The following ZMYM4 variants were observed in gnomAD, a reference collection of about 807,000 sequenced individuals.
The protein encoded by ZMYM4 is zinc finger MYM-type protein 4.
A neutral mutation model predicts 183.2 loss-of-function variants in ZMYM4; 31 were observed. The observed-to-expected ratio is 0.17, with a 90% CI of 0.13 to 0.23. ZMYM4 has a LOEUF of 0.23. Among genes scored for constraint, ZMYM4 ranks in the 10% least tolerant of loss-of-function variants. ZMYM4 has a pLI of 1.00. For missense variants in ZMYM4, 1,273 were observed against 1,840.3 expected, an observed-to-expected ratio of 0.69 and a Z score of 5.64; for synonymous variants, 592 against 631.2, an observed-to-expected ratio of 0.94 and a Z score of 0.93.
At chr1:35,400,674 G>A (rs780894003) in intron 23 of ZMYM4, among the ~76,000 whole-genome samples, 1 of 151,990 alleles carries the variant, frequency 6.6e-6, no homozygotes, top group African/African-American at 2.4e-5. Flanking sequence ...CATTTTGATG[G>A]CCTTCAACTA....
At chr1:35,378,264 A>G (rs1644377516) in intron 7 of ZMYM4, among the ~76,000 whole-genome samples, 1 of 152,226 alleles carries the variant, frequency 6.6e-6, no homozygotes, top group Non-Finnish European at 1.5e-5. Flanking sequence ...CCAAGCTCCT[A>G]TTAATGATGA....
At chr1:35,351,375 A>G in intron 2 of ZMYM4, 1 of 1,576,866 alleles carries the variant, frequency 6.3e-7, no homozygotes, top group Non-Finnish European at 8.7e-7. Flanking sequence ...AGATGCTTAC[A>G]AGAAACAGTT....
At chr1:35,306,119 T>C (rs890874936) in intron 1 of ZMYM4, among the ~76,000 whole-genome samples, 2 of 152,214 alleles carry the variant, frequency 1.3e-5, no homozygotes, top group Admixed American at 6.5e-5. Flanking sequence ...ATTTGTTCTT[T>C]ATTCTCGCCT....
intron 8 of ZMYM4, 26 bp from the exon 9 acceptor site, chr1:35,381,520 T>C: frequency 6.2e-7 from 1 of 1,613,762 alleles, no homozygotes; most frequent in East Asian, 2.2e-5. Context: ...CTCCTTGTTT[T>C]TGTGTTGCTG....
intron 1 of ZMYM4, among the ~76,000 whole-genome samples, chr1:35,312,829 T>G (rs1447928590): frequency 6.6e-6 from 1 of 151,728 alleles, no homozygotes; most frequent in Non-Finnish European, 1.5e-5. Flanking sequence ...CAAGTGATTC[T>G]TGTGCCTCAG....
At chr1:35,375,495 A>C (rs1570470276) in intron 7 of ZMYM4, among the ~76,000 whole-genome samples, 1 of 152,288 alleles carries the variant, frequency 6.6e-6, no homozygotes, top group East Asian at 1.9e-4. Context: ...AACAGGTTTC[A>C]TTTAGAAATC....
rs1644985516 is a variant in ZMYM4, at chr1:35,405,428, C to T, written c.3756C>T (p.Asp1252=). ...CTGACCCCTTAGGAAGTACTCAAGA[C>T]CATGCACTCTCTCAAGAATCCTCAG... The part of the protein sequence containing the change: ...PRSDPLGSTQ[D]HALSQESSEP... The change falls in exon 25 of 30, where the codon GAC becomes GAT. Residue 1252 remains aspartate, a synonymous_variant. Coordinates refer to ENST00000314607, the MANE Select transcript of ZMYM4 (RefSeq NM_005095.3). 1.9e-6 allele frequency: 3 copies of T among 1,613,096 alleles called. No individual in the cohort carries two copies. The highest frequency in any genetic ancestry group is 1.3e-5 in the African/African-American group (1 of 74,978).
Position 35,359,040 on chromosome 1 carries a change from G to A in ZMYM4, c.201G>A (p.Leu67=), listed in dbSNP as rs1454268200. The change falls in exon 3 of 30, where the codon CTG becomes CTA. Residue 67 remains leucine (L), a synonymous_variant. Transcript: ENST00000314607. ...AAACAGGATCTGAAAATTCATTGCT[G>A]GATGAAGATGATTATTTTTTGAACT... is the stretch of plus-strand genomic sequence containing the variant. The part of the protein sequence containing the change: ...PNQTGSENSL[L]DEDDYFLNSG... The A allele has an allele frequency of 6.2e-7, 1 of 1,613,706 alleles. No individual in the cohort carries two copies.
chr1:35,374,941 A>G (rs930013751), intron 7 of ZMYM4, among the ~76,000 whole-genome samples: 1 of 152,022 alleles, frequency 6.6e-6, no homozygotes, highest in Non-Finnish European at 1.5e-5. Flanking sequence ...ATGTAATTCA[A>G]TTGCTCTTTA....
In ZMYM4 at chr1:35,387,613, A is replaced by T. The variant is rs1359816060; in HGVS notation, c.2263+9A>T. 1 of 1,597,856 alleles carries T rather than the reference A, an allele frequency of 6.3e-7. No homozygotes were observed. The highest frequency in any genetic ancestry group is 8.5e-7 in the Non-Finnish European group (1 of 1,175,300). On this transcript the variant is annotated intron_variant, in intron 13 of 29. Transcript: ENST00000314607. ...GTCATTCTGTAGTGAAGGTAAAGAC[A>T]GAAGATTATCTTACCTACTGAGCAT...
chr1:35,281,577 A>G (rs997960380), intron 1 of ZMYM4, among the ~76,000 whole-genome samples: 19 of 151,962 alleles, frequency 1.3e-4, no homozygotes, highest in Admixed American at 5.2e-4. Context: ...TCCACACCGT[A>G]TACATACGTG....
Position 35,322,942 on chromosome 1 carries a change from G to A in ZMYM4, c.40-2418G>A, listed in dbSNP as rs138393970. Among the ~76,000 whole-genome samples, 1,050 of 149,588 alleles carry A rather than the reference G, an allele frequency of 7.0e-3. 18 individuals carry two copies. The highest frequency in any genetic ancestry group is 0.024 in the African/African-American group (966 of 40,602). On this transcript the variant is annotated intron_variant, in intron 1 of 29. Transcript: ENST00000314607. ...CCTGACCTTGTGATCCACCTGCCTC[G>A]GCCTCCCAAAGTGCTAGGATTACAG... is the stretch of plus-strand genomic sequence containing the variant.
In ZMYM4 at chr1:35,396,901, C is replaced by T. The variant is rs560510018; in HGVS notation, c.3030+231C>T. Among the ~76,000 whole-genome samples, 12 of 152,146 alleles carry T rather than the reference C, an allele frequency of 7.9e-5. No individual in the cohort carries two copies. The South Asian group carries it at 1.2e-3, about 16-fold the overall frequency. On this transcript the variant is annotated intron_variant, in intron 19 of 29. Coordinates refer to ENST00000314607, the MANE Select transcript of ZMYM4 (RefSeq NM_005095.3). ...TAGCTTTTTAAAAAACTTACATGCA[C>T]AATAAGACCACTCAAATAGAAAAAG...
At chr1:35,374,414 A>G (rs1231799344) in intron 7 of ZMYM4, among the ~76,000 whole-genome samples, 1 of 152,180 alleles carries the variant, frequency 6.6e-6, no homozygotes, top group African/African-American at 2.4e-5. Flanking sequence ...TTGCCATGAA[A>G]TCATTCACAT....
chr1:35,384,063 T>C (rs1490187010), intron 9 of ZMYM4, among the ~76,000 whole-genome samples: 2 of 152,200 alleles, frequency 1.3e-5, no homozygotes, highest in Non-Finnish European at 2.9e-5. Flanking sequence ...ACATTAGATA[T>C]AATTTCTGTT....
At chr1:35,355,950 G>A (rs1039169133) in intron 2 of ZMYM4, among the ~76,000 whole-genome samples, 2 of 152,116 alleles carry the variant, frequency 1.3e-5, no homozygotes, top group African/African-American at 4.8e-5. Context: ...ATAAGGGGCT[G>A]GGTGCAGTGG....
At chr1:35,287,709 G>A (rs1186510835) in intron 1 of ZMYM4, among the ~76,000 whole-genome samples, 2 of 152,008 alleles carry the variant, frequency 1.3e-5, no homozygotes, top group South Asian at 2.1e-4. Context: ...GGGTTCAAGC[G>A]ATTCTCCTGC....
chr1:35,321,345 T>C (rs2148811843), intron 1 of ZMYM4, among the ~76,000 whole-genome samples: 1 of 152,236 alleles, frequency 6.6e-6, no homozygotes, highest in East Asian at 1.9e-4. Flanking sequence ...ATGTTTACTA[T>C]TGAATTAAGA....
At chr1:35,405,566 G>A (rs953123588) in intron 25 of ZMYM4, 98 bp downstream of exon 25, 199 of 978,782 alleles carry the variant, frequency 2.0e-4, no homozygotes, top group Non-Finnish European at 2.7e-4. Context: ...AAAATTTAGA[G>A]TATTAAGGTT....
Sources: allele counts gnomAD v4.1 joint callset (sites outside exome capture counted in the v4.1 genomes callset), GRCh38; gene constraint gnomAD v4.1.1; transcripts MANE v1.5; gene names NCBI Gene and HGNC (gene_info 2026-07-23, HGNC 2026-07-21).